GSTO2: variants seen among roughly 807,000 people sequenced by gnomAD.
GSTO2 encodes the protein glutathione S-transferase omega 2.
Under a neutral mutation model 28.4 loss-of-function variants are expected in GSTO2, and 23 were observed. The ratio of observed to expected loss-of-function variants is 0.81; its 90% CI spans 0.58 to 1.15. The LOEUF (loss-of-function observed/expected upper bound fraction) is 1.15. GSTO2 is among the 50% of genes most tolerant of loss of function. GSTO2 has a pLI of 0.00. For missense variants in GSTO2, 298 were observed against 297.8 expected, an observed-to-expected ratio of 1.00 and a Z score of 0.00; for synonymous variants, 109 against 111.0, an observed-to-expected ratio of 0.98 and a Z score of 0.11.
Position 104,297,563 on chromosome 10 carries a change from T to G in GSTO2, c.469-15T>G. The G allele has an allele frequency of 6.4e-7, 1 of 1,551,826 alleles. No homozygotes were observed. Among genetic ancestry groups the G allele is most frequent in the South Asian group, 1.1e-5 (1 of 89,572 alleles). ...TATATAAACTTATTTGCTTTTGCTTTGTTTCCATTTTTAGATTCTTGAGTA... is the reference window on the plus strand; with the variant it reads ...TATATAAACTTATTTGCTTTTGCTTGGTTTCCATTTTTAGATTCTTGAGTA... On this transcript the variant is annotated splice_polypyrimidine_tract_variant and intron_variant, in intron 5 of 6. Transcript: ENST00000338595.
chr10:104,279,287 A>G, intron 4 of GSTO2, 83 bp from the exon 5 acceptor site: 2 of 1,168,002 alleles, frequency 1.7e-6, no homozygotes, highest in Non-Finnish European at 2.5e-6. Context: ...CTGGAGTTAT[A>G]AAGCTTCGCT....
intron 1 of GSTO2, among the ~76,000 whole-genome samples, chr10:104,270,789 G>T (rs1241937040): frequency 6.6e-6 from 1 of 152,168 alleles, no homozygotes; most frequent in Non-Finnish European, 1.5e-5. Context: ...TCAAGAGATG[G>T]CGTGACAAAA....
rs1199660419 is a variant in GSTO2 at position 104,301,642 on chromosome 10, A to C, written c.*2358A>C. ...TAATTAATACATGTGGAAAGAATAC[A>C]TATGGGTTAAAAATACAATAATGTA... On this transcript the variant is annotated 3_prime_UTR_variant, in exon 7 of 7. Coordinates refer to ENST00000338595, the MANE Select transcript of GSTO2 (RefSeq NM_183239.2). 2 of 152,282 alleles carry C rather than the reference A, an allele frequency of 1.3e-5. No individual in the cohort carries two copies. The highest frequency in any genetic ancestry group is 2.9e-5 in the Non-Finnish European group (2 of 68,050). The allele number at this position is 152,282 out of a possible 1,614,324, so 9.4% of individuals were successfully genotyped here.
chr10:104,278,803 A>G (rs189611225), intron 4 of GSTO2, among the ~76,000 whole-genome samples: 2 of 152,358 alleles, frequency 1.3e-5, no homozygotes, highest in East Asian at 3.9e-4. Context: ...TAGAAGCATA[A>G]GAGTGCCTGC....
chr10:104,294,461 A>G (rs2012931715), intron 5 of GSTO2, among the ~76,000 whole-genome samples: 1 of 152,182 alleles, frequency 6.6e-6, no homozygotes, highest in Non-Finnish European at 1.5e-5. Context: ...ATGTTCTCCT[A>G]CGTCTGTAAA....
Position 104,301,477 on chromosome 10 carries a change from C to G in GSTO2, c.*2193C>G, listed in dbSNP as rs949458953. On this transcript the variant is annotated 3_prime_UTR_variant, in exon 7 of 7. Coordinates refer to ENST00000338595, the MANE Select transcript of GSTO2 (RefSeq NM_183239.2). ...GCACATCCTTACACTTCCTCCATCT[C>G]GCTTCTTTGTCACTTGTCTGACCCA... 5 of 152,160 alleles carry G rather than the reference C, an allele frequency of 3.3e-5. No homozygotes were observed. The highest frequency in any genetic ancestry group is 3.3e-4 in the Admixed American group (5 of 15,270). The allele number at this position is 152,160 out of a possible 1,614,324, so 9.4% of individuals were successfully genotyped here.
chr10:104,301,726 G>C lies in GSTO2; in HGVS notation c.*2442G>C, dbSNP rs1051493360. 6.6e-6 allele frequency: 1 copy of C among 152,078 alleles called. No homozygotes were observed. The highest frequency in any genetic ancestry group is 2.4e-5 in the African/African-American group (1 of 41,418). 9.4% of individuals were successfully genotyped at this position (152,078 alleles called of 1,614,324 possible). A position where few individuals can be genotyped will look rare whatever the true frequency, so the allele number is the denominator to read the frequency against. ...TAGAGATAACCACTTTTAGTAATTG[G>C]TGTCTACCTTTTTTTCCCCTTTTCT... On this transcript the variant is annotated 3_prime_UTR_variant, in exon 7 of 7. Coordinates refer to ENST00000338595, the MANE Select transcript of GSTO2 (RefSeq NM_183239.2).
chr10:104,275,007 C>G, intron 2 of GSTO2, 58 bp downstream of exon 2: 9 of 1,556,724 alleles, frequency 5.8e-6, no homozygotes, highest in Non-Finnish European at 7.8e-6. Flanking sequence ...AAAATGTTGG[C>G]TTCGGCGGAG....
Position 104,277,940 on chromosome 10 carries a change from T to G in GSTO2, c.190T>G (p.Tyr64Asp). Residue 64 changes from tyrosine (Y) to aspartate (D), a missense_variant, in exon 4 of 7, where the codon TAT becomes GAT. By Grantham distance (160) the Tyr-to-Asp change is radical. Transcript: ENST00000338595. ...CCTGAGAAACAAGCCTGAATGGTACTATACAAAGCACCCTTTTGGCCACAT... is the reference window on the plus strand; with the variant it reads ...CCTGAGAAACAAGCCTGAATGGTACGATACAAAGCACCCTTTTGGCCACAT... Reference protein sequence around the residue: ...INLRNKPEWYYTKHPFGHIPV... With the variant: ...INLRNKPEWYDTKHPFGHIPV... 1 of 1,614,142 alleles carries G rather than the reference T, an allele frequency of 6.2e-7. No homozygotes were observed. Among genetic ancestry groups the G allele is most frequent in the Non-Finnish European group, 8.5e-7 (1 of 1,179,982 alleles).
At chr10:104,273,600 A>G (rs946429020) in intron 1 of GSTO2, among the ~76,000 whole-genome samples, 1 of 152,242 alleles carries the variant, frequency 6.6e-6, no homozygotes, top group Non-Finnish European at 1.5e-5. Flanking sequence ...CATTTTAATA[A>G]AAGATATTTA....
intron 5 of GSTO2, among the ~76,000 whole-genome samples, chr10:104,285,658 A>G (rs1028450131): frequency 6.6e-6 from 1 of 151,948 alleles, no homozygotes; most frequent in Admixed American, 6.6e-5. Flanking sequence ...TGTGGAGACG[A>G]GGTCTCACTA....
At chr10:104,282,117 G>A (rs7899342) in intron 5 of GSTO2, among the ~76,000 whole-genome samples, 2,443 of 150,492 alleles carry the variant, frequency 0.016, 17 homozygotes, top group South Asian at 0.021. Context: ...ACTCCTTCAT[G>A]CTTTTAAAAG....
chr10:104,271,915 C>A lies in GSTO2; in HGVS notation c.-232+2646C>A, dbSNP rs148594208. ...GCAAATTAAGGCCATTGGGCTAAATCCAACCAATTGTTGGTTTTTTTATAG... is the reference window on the plus strand; with the variant it reads ...GCAAATTAAGGCCATTGGGCTAAATACAACCAATTGTTGGTTTTTTTATAG... On this transcript the variant is annotated intron_variant, in intron 1 of 6. Coordinates refer to ENST00000338595, the MANE Select transcript of GSTO2 (RefSeq NM_183239.2). Among the ~76,000 whole-genome samples the A allele has an allele frequency of 4.1e-3, 625 of 152,340 alleles. 7 individuals are homozygous for A. The highest frequency in any genetic ancestry group is 0.015 in the African/African-American group (607 of 41,578).
At chr10:104,272,759 G>A (rs2011477793) in intron 1 of GSTO2, among the ~76,000 whole-genome samples, 3 of 151,618 alleles carry the variant, frequency 2.0e-5, no homozygotes, top group Non-Finnish European at 4.4e-5. Context: ...GACTACAGGC[G>A]CCTGCCACCG....
Position 104,274,844 on chromosome 10 carries a change from C to T in GSTO2, c.-72C>T. The T allele has an allele frequency of 6.4e-7, 1 of 1,554,234 alleles. No homozygotes were observed. The highest frequency in any genetic ancestry group is 8.8e-7 in the Non-Finnish European group (1 of 1,142,274). On this transcript the variant is annotated 5_prime_UTR_variant, in exon 2 of 7. Transcript: ENST00000338595. Reference sequence around the variant, plus strand: ...CGCCAGAGCGCAGCTGTTTCTGGAGCCTGCGGCAGCGGTGGCGAGCCACAG... The same window carrying T: ...CGCCAGAGCGCAGCTGTTTCTGGAGTCTGCGGCAGCGGTGGCGAGCCACAG...
At chr10:104,278,827 T>C (rs999931191) in intron 4 of GSTO2, among the ~76,000 whole-genome samples, 5 of 152,164 alleles carry the variant, frequency 3.3e-5, no homozygotes, top group African/African-American at 1.2e-4. Context: ...CCAGGAAATG[T>C]GAAGAATAGA....
chr10:104,300,148 A>C lies in GSTO2; in HGVS notation c.*864A>C, dbSNP rs1349362774. 6.6e-6 allele frequency: 1 copy of C among 152,244 alleles called. No individual in the cohort carries two copies. The highest frequency in any genetic ancestry group is 1.5e-5 in the Non-Finnish European group (1 of 68,050). The allele number at this position is 152,244 out of a possible 1,614,324, so 9.4% of individuals were successfully genotyped here. A position where few individuals can be genotyped will look rare whatever the true frequency, so the allele number is the denominator to read the frequency against. Reference sequence around the variant, plus strand: ...GGGTCTTGTGACTGGAAAGAATTCCAAAGCAGGAAATGAAACACCGGTTTA... The same window carrying C: ...GGGTCTTGTGACTGGAAAGAATTCCCAAGCAGGAAATGAAACACCGGTTTA... On this transcript the variant is annotated 3_prime_UTR_variant, in exon 7 of 7. Transcript: ENST00000338595.
intron 5 of GSTO2, among the ~76,000 whole-genome samples, chr10:104,281,137 C>T (rs2012013422): frequency 6.6e-6 from 1 of 152,220 alleles, no homozygotes; most frequent in Admixed American, 6.5e-5. Flanking sequence ...CTGGGTTCTG[C>T]AGGGGACTGC....
intron 5 of GSTO2, chr10:104,294,878 A>G (rs2012952534): frequency 6.6e-6 from 1 of 152,234 alleles, no homozygotes; most frequent in Admixed American, 6.5e-5. Context: ...TACACTAAAT[A>G]AACATCAGTT....
Sources: allele counts gnomAD v4.1 joint callset (sites outside exome capture counted in the v4.1 genomes callset), GRCh38; gene constraint gnomAD v4.1.1; transcripts MANE v1.5; gene names NCBI Gene and HGNC (gene_info 2026-07-23, HGNC 2026-07-21).